FCGR3B: variants seen among roughly 807,000 people sequenced by gnomAD.
The protein encoded by FCGR3B is Fc gamma receptor IIIb.
In FCGR3B, 20 loss-of-function variants were observed where a neutral mutation model predicts 26.7. The ratio of observed to expected loss-of-function variants is 0.75; its 90% CI spans 0.53 to 1.09. The LOEUF (loss-of-function observed/expected upper bound fraction) is 1.09, where lower values mean the gene tolerates loss of function less well. Among genes scored for constraint, FCGR3B ranks in the 50% least tolerant of loss-of-function variants. The pLI, the probability that FCGR3B is intolerant of heterozygous loss-of-function variation, is 0.00. For synonymous variants in FCGR3B, 79 were observed against 107.0 expected (o/e 0.74, Z 1.62); for missense variants, 191 against 279.7 (o/e 0.68, Z 2.26).
In FCGR3B at chr1:161,626,310, T is replaced by C. The variant is rs547946059; in HGVS notation, c.412A>G (p.Lys138Glu). ...TTGCCATTCTGTAAATATGTGACCT[T>C]ATGCAGAGCAGTGTTCTTCCAGCTG... ...CHSWKNTALHKVTYLQNGKDR... is the reference protein window; with the variant it reads ...CHSWKNTALHEVTYLQNGKDR... The change falls in exon 4 of 5, where the codon AAG becomes GAG. Residue 138 changes from lysine (K) to glutamate (E), a missense_variant. Transcript: ENST00000650385. 38 of 1,609,016 alleles carry C rather than the reference T, an allele frequency of 2.4e-5. 1 individual carries two copies. The African/African-American group carries it at 3.5e-4, about 15-fold the overall frequency.
At position 161,624,244 on chromosome 1, in the gene FCGR3B, A is replaced by T. The variant is rs1679346254; in HGVS notation, c.*271T>A. The stretch of plus-strand genomic sequence containing the variant: ...AACTTCAATTTCTAGGAATGCAGCT[A>T]CTCACTGGGGCTTCCCTGCTTGAAG... On this transcript the variant is annotated 3_prime_UTR_variant, in exon 5 of 5. Coordinates refer to ENST00000650385, the MANE Select transcript of FCGR3B (RefSeq NM_001244753.2). The T allele has an allele frequency of 2.4e-6, 1 of 414,260 alleles. No homozygotes were observed. Among genetic ancestry groups the T allele is most frequent in the Admixed American group, 3.8e-5 (1 of 26,276 alleles). The allele number at this position is 414,260 out of a possible 1,614,324, so 25.7% of individuals were successfully genotyped here.
In FCGR3B at chr1:161,626,213, T is replaced by A; in HGVS notation, c.509A>T (p.Tyr170Phe). The change falls in exon 4 of 5, where the codon TAC becomes TTC. Residue 170 changes from tyrosine to phenylalanine, a missense_variant. By Grantham distance (22) the Tyr-to-Phe change is conservative. This residue lies in a region of FCGR3B where 103 missense variants were observed against 114.5 expected (regional missense o/e 0.90). Transcript: ENST00000650385. ...PKATLKDSGS[Y>F]FCRGLVGSKN... ...ACTCCCAACAAGCCCCCTGCAGAAGTAGGAGCCGCTATCTTTGAGTGTGGC... is the reference window on the plus strand; with the variant it reads ...ACTCCCAACAAGCCCCCTGCAGAAGAAGGAGCCGCTATCTTTGAGTGTGGC... 5 of 1,608,632 alleles carry A rather than the reference T, an allele frequency of 3.1e-6. No homozygotes were observed. Among genetic ancestry groups the A allele is most frequent in the Non-Finnish European group, 4.2e-6 (5 of 1,177,608 alleles).
At chr1:161,624,775 G>A in intron 4 of FCGR3B, 136 bp from the exon 5 acceptor site, 1 of 824,982 alleles carries the variant, frequency 1.2e-6, no homozygotes, top group Non-Finnish European at 1.9e-6. Flanking sequence ...GGAGGTCTGG[G>A]GGAAAGTATT....
Position 161,631,171 on chromosome 1 carries a change from G to A in FCGR3B, c.-77C>T, listed in dbSNP as rs1172974649. 1.2e-6 allele frequency: 2 copies of A among 1,606,484 alleles called. No homozygotes were observed. The highest frequency in any genetic ancestry group is 2.7e-5 in the African/African-American group (2 of 73,216). ...GACCAAGCCGACTAGACAGGAGGGA[G>A]TAAACAGCCTTTCCCCAGTCCCTCC... On this transcript the variant is annotated 5_prime_UTR_variant, in exon 1 of 5. Transcript: ENST00000650385.
upstream of FCGR3B, chr1:161,631,345 C>A (rs555488959): frequency 6.5e-6 from 5 of 764,502 alleles, no homozygotes; most frequent in Admixed American, 8.9e-5. Context: ...CTTTACTCTC[C>A]CAAAGGTCTG....
At position 161,624,310 on chromosome 1, in the gene FCGR3B, C is replaced by T. The variant is rs61803007; in HGVS notation, c.*205G>A. 0.6 allele frequency: 362,204 copies of T among 600,590 alleles called. 104,441 individuals carry two copies. The highest frequency in any genetic ancestry group is 0.65 in the Middle Eastern group (1,211 of 1,850). 37.2% of individuals were successfully genotyped at this position (600,590 alleles called of 1,614,324 possible). A position where few individuals can be genotyped will look rare whatever the true frequency, so the allele number is the denominator to read the frequency against. On this transcript the variant is annotated 3_prime_UTR_variant, in exon 5 of 5. Transcript: ENST00000650385. Reference sequence around the variant, plus strand: ...CTTCCACTGGAGACCAAGGAAAAATCGAGAGTTGGATAAAGGATCTGGCTC... The same window carrying T: ...CTTCCACTGGAGACCAAGGAAAAATTGAGAGTTGGATAAAGGATCTGGCTC...
rs564755591 is a variant in FCGR3B at position 161,628,584 on chromosome 1, T to C, written c.319+1194A>G. 8.1e-5 allele frequency among the ~76,000 whole-genome samples: 12 copies of C among 148,502 alleles called. 1 individual carries two copies. Among genetic ancestry groups the C allele is most frequent in the African/African-American group, 2.5e-4 (10 of 39,678 alleles). On this transcript the variant is annotated intron_variant, in intron 3 of 4. Transcript: ENST00000650385. Reference sequence around the variant, plus strand: ...AGCTAGAAATGGACATACCTTCTTGTAGCTCTGGAGAGTGAAGACCATGTC... The same window carrying C: ...AGCTAGAAATGGACATACCTTCTTGCAGCTCTGGAGAGTGAAGACCATGTC...
In FCGR3B at chr1:161,624,073, T is replaced by C. The variant is rs1198744633; in HGVS notation, c.*442A>G. Reference sequence around the variant, plus strand: ...TTCTACTTATCCATTTGTTTAGGAATAATTATTTTCTTTTTTTCCCTCTAA... The same window carrying C: ...TTCTACTTATCCATTTGTTTAGGAACAATTATTTTCTTTTTTTCCCTCTAA... On this transcript the variant is annotated 3_prime_UTR_variant, in exon 5 of 5. Coordinates refer to ENST00000650385, the MANE Select transcript of FCGR3B (RefSeq NM_001244753.2). 8.1e-6 allele frequency: 1 copy of C among 123,480 alleles called. No homozygotes were observed. Among genetic ancestry groups the C allele is most frequent in the East Asian group, 1.7e-4 (1 of 5,806 alleles). The allele number at this position is 123,480 out of a possible 1,614,324, so 7.6% of individuals were successfully genotyped here. A position where few individuals can be genotyped will look rare whatever the true frequency, so the allele number is the denominator to read the frequency against.
At position 161,627,068 on chromosome 1, in the gene FCGR3B, C is replaced by T. The variant is rs143939359; in HGVS notation, c.320-666G>A. 4.0e-3 allele frequency among the ~76,000 whole-genome samples: 601 copies of T among 149,946 alleles called. 30 individuals carry two copies. Among genetic ancestry groups the T allele is most frequent in the Non-Finnish European group, 5.3e-3 (356 of 67,684 alleles). ...CCTTCAAGAGAGGAAATTCTTATAT[C>T]GCCAGAGCTTATTCTCACAATCATG... On this transcript the variant is annotated intron_variant, in intron 3 of 4. Transcript: ENST00000650385.
At position 161,624,675 on chromosome 1, in the gene FCGR3B, A is replaced by G. The variant is rs755089839; in HGVS notation, c.578-36T>C. ...AAGTGGAGAGATGAAAAAAAATGAC[A>G]GTCACTAAGGCAGATATTTGGAACA... On this transcript the variant is annotated intron_variant, in intron 4 of 4. Transcript: ENST00000650385. 2.5e-6 allele frequency: 4 copies of G among 1,570,478 alleles called. No individual in the cohort carries two copies. The African/African-American group carries it at 5.6e-5, about 22-fold the overall frequency.
Position 161,629,937 on chromosome 1 carries a change from C to T in FCGR3B, c.160G>A (p.Glu54Lys), listed in dbSNP as rs772985521. The T allele has an allele frequency of 1.0e-4, 154 of 1,519,152 alleles. 46 individuals carry two copies. In the East Asian group the frequency reaches 4.5e-3, roughly 45 times the overall value. 94.1% of individuals were successfully genotyped at this position (1,519,152 alleles called of 1,614,324 possible). A position where few individuals can be genotyped will look rare whatever the true frequency, so the allele number is the denominator to read the frequency against. ...TLKCQGAYSP[E>K]DNSTQWFHNE... ...TGAAACCACTGTGTGGAATTGTCCT[C>T]AGGGGAGTAGGCTCCCTGGCACTTC... The change falls in exon 3 of 5, where the codon GAG (glutamate) becomes AAG (lysine). Residue 54 changes from glutamate to lysine, a missense_variant. Coordinates refer to ENST00000650385, the MANE Select transcript of FCGR3B (RefSeq NM_001244753.2).
rs1346840545 is a variant in FCGR3B, at chr1:161,624,712, C to T, written c.578-73G>A. The T allele has an allele frequency of 2.8e-6, 4 of 1,445,576 alleles. 1 individual carries two copies. The African/African-American group carries it at 5.9e-5, about 21-fold the overall frequency. The allele number at this position is 1,445,576 out of a possible 1,614,324, so 89.5% of individuals were successfully genotyped here. On this transcript the variant is annotated intron_variant, in intron 4 of 4. Coordinates refer to ENST00000650385, the MANE Select transcript of FCGR3B (RefSeq NM_001244753.2). ...AGATATTTGGAACAAACAGTGAGGT[C>T]ACCAGTAGAGAGTCTTTGACAAGTG... is the stretch of plus-strand genomic sequence containing the variant.
upstream of FCGR3B, chr1:161,631,560 T>C (rs34182452): frequency 0.34 from 131,659 of 386,694 alleles, 22,893 homozygotes; most frequent in East Asian, 0.61. Context: ...TCCTGCCTCG[T>C]CCAGACCCAT....
chr1:161,630,293 A>G, intron 2 of FCGR3B, 75 bp downstream of exon 2: 1 of 1,475,352 alleles, frequency 6.8e-7, no homozygotes, highest in Non-Finnish European at 9.4e-7. Flanking sequence ...TTCAACAAGC[A>G]TTTCCCAATA....
chr1:161,631,189 G>C, upstream of FCGR3B: 1 of 1,602,194 alleles, frequency 6.2e-7, no homozygotes, highest in Non-Finnish European at 8.5e-7. Context: ...CCTTTCCCCA[G>C]TCCCTCCACC....
At chr1:161,630,253 C>T in intron 2 of FCGR3B, 115 bp downstream of exon 2, 2 of 1,024,490 alleles carry the variant, frequency 2.0e-6, no homozygotes, top group Non-Finnish European at 1.5e-6. Context: ...GAGGAACTAT[C>T]CCTGCTAACC....
upstream of FCGR3B, chr1:161,631,342 CT>C (rs1238135571): frequency 5.5e-5 from 46 of 832,416 alleles, 2 homozygotes; most frequent in Non-Finnish European, 8.0e-5. Context: ...CCCCTTTACT[CT>C]CCCAAAGGTC....
At chr1:161,629,288 C>T (rs1488109140) in intron 3 of FCGR3B, among the ~76,000 whole-genome samples, 2 of 14,574 alleles carry the variant, frequency 1.4e-4, no homozygotes, top group South Asian at 3.8e-3. Flanking sequence ...ATTAGCTGGG[C>T]GTGGTGGCGG....
Position 161,624,399 on chromosome 1 carries a change from A to C in FCGR3B, c.*116T>G, listed in dbSNP as rs1679355777. 8.0e-7 allele frequency: 1 copy of C among 1,257,506 alleles called. No homozygotes were observed. The highest frequency in any genetic ancestry group is 1.6e-5 in the African/African-American group (1 of 64,070). 77.9% of individuals were successfully genotyped at this position (1,257,506 alleles called of 1,614,324 possible). On this transcript the variant is annotated 3_prime_UTR_variant, in exon 5 of 5. Transcript: ENST00000650385. ...GGATGATGGGGTTGCAAATCCAGAG[A>C]AATGTTCAGAGATGCTGCTGCCACT... is the stretch of plus-strand genomic sequence containing the variant.
Sources: gnomAD v4.1 joint callset for allele counts (sites outside exome capture counted in the v4.1 genomes callset) on GRCh38, gnomAD v4.1.1 for gene constraint, gnomAD v4.1.1 regional missense constraint, MANE v1.5 for transcripts, NCBI Gene and HGNC (gene_info 2026-07-23, HGNC 2026-07-21) for gene names.